Variants in ROBO1 observed in about 807,000 individuals in gnomAD.
The protein encoded by ROBO1 is roundabout homolog 1.
ROBO1 carries 149 observed loss-of-function variants against 195.9 expected under a neutral mutation model. The observed-to-expected ratio is 0.76, with a 90% CI of 0.67 to 0.87. The LOEUF (loss-of-function observed/expected upper bound fraction) is 0.87. ROBO1 is among the 40% of genes least tolerant of loss of function. The pLI is 0.00. For synonymous variants in ROBO1, 816 were observed against 733.2 expected (o/e 1.11, Z -1.82); for missense variants, 1,933 against 2,068.3 (o/e 0.93, Z 1.27).
intron 2 of ROBO1, among the ~76,000 whole-genome samples, chr3:79,329,512 T>C (rs1018159386): frequency 6.6e-6 from 1 of 152,186 alleles, no homozygotes; most frequent in Non-Finnish European, 1.5e-5. Flanking sequence ...ATAGAAATAA[T>C]GACTTCTTGT....
chr3:78,653,550 T>C (rs553784668), intron 18 of ROBO1, among the ~76,000 whole-genome samples: 2 of 152,352 alleles, frequency 1.3e-5, no homozygotes, highest in African/African-American at 4.8e-5. Flanking sequence ...GTTGAGCAAA[T>C]TGCCCTGGTG....
At chr3:79,737,661 A>C (rs1202371809) in intron 1 of ROBO1, among the ~76,000 whole-genome samples, 2 of 151,838 alleles carry the variant, frequency 1.3e-5, no homozygotes, top group Non-Finnish European at 2.9e-5. Flanking sequence ...CCTATCAAAA[A>C]AAAAAATCCC....
chr3:78,650,177 T>C (rs935039414), intron 19 of ROBO1, among the ~76,000 whole-genome samples: 1 of 152,104 alleles, frequency 6.6e-6, no homozygotes, highest in African/African-American at 2.4e-5. Context: ...TGTCTACAAT[T>C]ATTTTCAGTC....
intron 2 of ROBO1, among the ~76,000 whole-genome samples, chr3:79,528,175 TAAAAC>T (rs1941512628): frequency 6.6e-6 from 1 of 152,164 alleles, no homozygotes; most frequent in Non-Finnish European, 1.5e-5. Flanking sequence ...TCAATTATAT[TAAAAC>T]AAAGAAATGA....
chr3:79,693,817 A>G (rs1947366035), intron 1 of ROBO1, among the ~76,000 whole-genome samples: 1 of 151,876 alleles, frequency 6.6e-6, no homozygotes, highest in South Asian at 2.1e-4. Context: ...GACACCAAAA[A>G]TGATACTGTA....
At chr3:79,577,717 A>AC (rs1943533321) in intron 2 of ROBO1, among the ~76,000 whole-genome samples, 34 of 140,720 alleles carry the variant, frequency 2.4e-4, no homozygotes, top group East Asian at 1.3e-3. Context: ...CTTTACTAAA[A>AC]ACACACACAC....
chr3:79,062,381 C>T (rs1444563986), intron 3 of ROBO1, among the ~76,000 whole-genome samples: 3 of 152,072 alleles, frequency 2.0e-5, no homozygotes, highest in Non-Finnish European at 4.4e-5. Flanking sequence ...GAAATAGGAA[C>T]ATTTTTACAC....
chr3:78,943,556 G>A (rs1180862547), intron 3 of ROBO1, among the ~76,000 whole-genome samples: 1 of 152,052 alleles, frequency 6.6e-6, no homozygotes, highest in East Asian at 1.9e-4. Context: ...TTGTTACTAG[G>A]CATTGCTTCA....
At chr3:79,018,315 G>A (rs1444196544) in intron 3 of ROBO1, 24 of 1,477,810 alleles carry the variant, frequency 1.6e-5, no homozygotes, top group Non-Finnish European at 2.2e-5. Context: ...GGAGGGAGGG[G>A]TAACCAAAAT....
At chr3:78,664,275 C>T (rs533124550) in intron 14 of ROBO1, among the ~76,000 whole-genome samples, 3 of 152,294 alleles carry the variant, frequency 2.0e-5, no homozygotes, top group South Asian at 2.1e-4. Flanking sequence ...TTTCCCCCAA[C>T]GTTAAAACTT....
intron 1 of ROBO1, among the ~76,000 whole-genome samples, chr3:79,654,764 CT>C (rs1372548439): frequency 6.6e-6 from 1 of 151,806 alleles, no homozygotes; most frequent in African/African-American, 2.4e-5. Flanking sequence ...GGTGCATTTT[CT>C]TTTAGCCTCT....
chr3:79,553,741 C>CTGATAGCTCTTTCAATTGCTCT (rs1316399248), intron 2 of ROBO1, among the ~76,000 whole-genome samples: 1 of 152,094 alleles, frequency 6.6e-6, no homozygotes, highest in Admixed American at 6.6e-5. Context: ...CACAGAAATA[C>CTGATAGCTCTTTCAATTGCTCT]TGATAATTGC....
rs551380213 is a variant in ROBO1 at position 79,345,067 on chromosome 3, T to C, written c.89-219528A>G. 2.9e-3 allele frequency among the ~76,000 whole-genome samples: 446 copies of C among 152,120 alleles called. 1 individual carries two copies. Among genetic ancestry groups the C allele is most frequent in the Non-Finnish European group, 4.9e-3 (336 of 67,986 alleles). On this transcript the variant is annotated intron_variant, in intron 2 of 30. Coordinates refer to ENST00000464233, the MANE Select transcript of ROBO1 (RefSeq NM_002941.4). Reference sequence around the variant, plus strand: ...AACTACACAGTCTCAGGTATTTCCTTATAGCAGTGTGAAAACGGACTACAC... The same window carrying C: ...AACTACACAGTCTCAGGTATTTCCTCATAGCAGTGTGAAAACGGACTACAC...
intron 2 of ROBO1, among the ~76,000 whole-genome samples, chr3:79,223,867 G>T (rs1205074692): frequency 6.6e-6 from 1 of 152,150 alleles, no homozygotes; most frequent in Non-Finnish European, 1.5e-5. Flanking sequence ...TACTGAGATT[G>T]TCTAGTTAAA....
intron 2 of ROBO1, among the ~76,000 whole-genome samples, chr3:79,540,268 A>G (rs62257659): frequency 0.017 from 2,605 of 152,214 alleles, 29 homozygotes; most frequent in Non-Finnish European, 0.03. Flanking sequence ...AGCCCAGAAT[A>G]TAGAAGGACA....
At chr3:79,707,303 C>T (rs753576218) in intron 1 of ROBO1, among the ~76,000 whole-genome samples, 41 of 152,104 alleles carry the variant, frequency 2.7e-4, no homozygotes, top group Admixed American at 5.9e-4. Context: ...CATAGTATGC[C>T]ATTATTATCC....
At chr3:78,606,031 T>G (rs765744833) in intron 29 of ROBO1, among the ~76,000 whole-genome samples, 8 of 152,212 alleles carry the variant, frequency 5.3e-5, no homozygotes, top group Non-Finnish European at 1.2e-4. Context: ...TGGTTTCCAG[T>G]CTCTTCCTTC....
chr3:78,988,863 T>C (rs1218678658), intron 3 of ROBO1, among the ~76,000 whole-genome samples: 2 of 152,150 alleles, frequency 1.3e-5, no homozygotes, highest in Non-Finnish European at 2.9e-5. Flanking sequence ...AAAGATCACA[T>C]ATCACATACC....
chr3:79,158,962 C>A (rs2080906782), intron 2 of ROBO1, among the ~76,000 whole-genome samples: 1 of 151,848 alleles, frequency 6.6e-6, no homozygotes, highest in South Asian at 2.1e-4. Flanking sequence ...AGGTGCCATT[C>A]ACTTCTTTGG....
Sources: gnomAD v4.1 joint callset for allele counts (sites outside exome capture counted in the v4.1 genomes callset) on GRCh38, gnomAD v4.1.1 for gene constraint, MANE v1.5 for transcripts, NCBI Gene and HGNC (gene_info 2026-07-23, HGNC 2026-07-21) for gene names.